Variants in GPC6 observed in about 807,000 individuals in gnomAD.
GPC6 encodes the protein glypican 6.
Under a neutral mutation model 55.2 loss-of-function variants are expected in GPC6, and 14 were observed. The ratio of observed to expected loss-of-function variants is 0.25; its 90% CI spans 0.17 to 0.40. GPC6 has a LOEUF of 0.40. Ranked by LOEUF, GPC6 falls within the 10% of genes least tolerant of loss-of-function variation. The probability of loss-of-function intolerance (pLI) is 1.00; values close to 1 mark genes in which losing one functional copy is unlikely to be tolerated. For synonymous variants in GPC6, 278 were observed against 259.6 expected (o/e 1.07, Z -0.68); for missense variants, 641 against 708.5 (o/e 0.90, Z 1.08).
At chr13:94,148,863 A>G (rs968152033) in intron 4 of GPC6, among the ~76,000 whole-genome samples, 1 of 152,068 alleles carries the variant, frequency 6.6e-6, no homozygotes, top group Admixed American at 6.6e-5. Flanking sequence ...AGTTTCAATG[A>G]CCTCATCTAT....
At chr13:93,608,051 T>C (rs1300942827) in intron 2 of GPC6, among the ~76,000 whole-genome samples, 3 of 151,996 alleles carry the variant, frequency 2.0e-5, no homozygotes, top group Non-Finnish European at 4.4e-5. Flanking sequence ...TTTTTTCTAG[T>C]ATCACTTATG....
At chr13:93,866,698 A>T (rs1054032771) in intron 3 of GPC6, among the ~76,000 whole-genome samples, 5 of 151,692 alleles carry the variant, frequency 3.3e-5, no homozygotes, top group African/African-American at 4.8e-5. Context: ...GAAGGGAACA[A>T]CACACAATGG....
At chr13:93,865,329 A>T (rs1380561472) in intron 3 of GPC6, among the ~76,000 whole-genome samples, 1 of 151,732 alleles carries the variant, frequency 6.6e-6, no homozygotes, top group Non-Finnish European at 1.5e-5. Context: ...TGTCTGGCCT[A>T]CTTCAAGAGC....
At chr13:93,286,288 C>G (rs974904700) in intron 1 of GPC6, among the ~76,000 whole-genome samples, 2 of 152,118 alleles carry the variant, frequency 1.3e-5, no homozygotes, top group Non-Finnish European at 2.9e-5. Flanking sequence ...AAAGCTGCCC[C>G]CACGATTCAG....
intron 1 of GPC6, among the ~76,000 whole-genome samples, chr13:93,503,929 A>C (rs2139374876): frequency 6.6e-6 from 1 of 152,284 alleles, no homozygotes; most frequent in Admixed American, 6.5e-5. Context: ...TTTTTGAGAA[A>C]TAAGATAAAC....
In GPC6 at chr13:93,477,840, T is replaced by G. The variant is rs577122123; in HGVS notation, c.161-67423T>G. On this transcript the variant is annotated intron_variant, in intron 1 of 8. Coordinates refer to ENST00000377047, the MANE Select transcript of GPC6 (RefSeq NM_005708.5). ...AACTATTTGTTTCTTATGTGCAGAG[T>G]GAGTACAGACTTAACAGCAGGTGTT... Among the ~76,000 whole-genome samples the G allele has an allele frequency of 3.9e-5, 6 of 152,280 alleles. 1 individual carries two copies. Among genetic ancestry groups the G allele is most frequent in the African/African-American group, 1.4e-4 (6 of 41,570 alleles).
At chr13:93,476,890 C>G (rs1209178889) in intron 1 of GPC6, among the ~76,000 whole-genome samples, 1 of 151,968 alleles carries the variant, frequency 6.6e-6, no homozygotes, top group Non-Finnish European at 1.5e-5. Flanking sequence ...TTTCTTGAAG[C>G]CTATTCCAAT....
intron 4 of GPC6, among the ~76,000 whole-genome samples, chr13:94,030,418 T>C (rs1043591927): frequency 5.3e-5 from 8 of 152,140 alleles, no homozygotes; most frequent in Non-Finnish European, 8.8e-5. Context: ...TACAGACTTA[T>C]GGAGAAAAAT....
chr13:94,344,857 A>G (rs1878210506), intron 6 of GPC6, among the ~76,000 whole-genome samples: 1 of 152,206 alleles, frequency 6.6e-6, no homozygotes. Context: ...TACTTATTCA[A>G]TATATTCTGG....
chr13:94,035,062 A>G (rs1883287938), intron 4 of GPC6, among the ~76,000 whole-genome samples: 1 of 151,952 alleles, frequency 6.6e-6, no homozygotes, highest in African/African-American at 2.4e-5. Context: ...TATTCAAGGT[A>G]GTTAGAGAAT....
intron 6 of GPC6, among the ~76,000 whole-genome samples, chr13:94,323,282 A>G (rs1192202758): frequency 1.3e-5 from 2 of 152,212 alleles, no homozygotes; most frequent in Non-Finnish European, 2.9e-5. Flanking sequence ...AATCCTGACT[A>G]TGTGATTGTG....
At chr13:93,551,368 A>T (rs146127591) in intron 2 of GPC6, among the ~76,000 whole-genome samples, 1 of 151,512 alleles carries the variant, frequency 6.6e-6, no homozygotes, top group African/African-American at 2.4e-5. Context: ...TCCGTAGTAC[A>T]TCTTTGGGTT....
At chr13:93,587,976 A>G (rs995704429) in intron 2 of GPC6, among the ~76,000 whole-genome samples, 7 of 152,250 alleles carry the variant, frequency 4.6e-5, no homozygotes, top group Admixed American at 2.0e-4. Flanking sequence ...GCTTTCCACA[A>G]GTGAACTTCT....
chr13:94,116,455 G>A (rs1382306584), intron 4 of GPC6, among the ~76,000 whole-genome samples: 3 of 152,032 alleles, frequency 2.0e-5, no homozygotes, highest in Non-Finnish European at 4.4e-5. Context: ...ATTTCATTCT[G>A]AGCCCCTGAA....
intron 2 of GPC6, among the ~76,000 whole-genome samples, chr13:93,738,099 A>G (rs1884063360): frequency 6.6e-6 from 1 of 152,200 alleles, no homozygotes. Flanking sequence ...TAATATTTGC[A>G]AATAGCAACA....
chr13:93,912,464 C>T (rs1877035389), intron 3 of GPC6, among the ~76,000 whole-genome samples: 1 of 152,120 alleles, frequency 6.6e-6, no homozygotes, highest in Admixed American at 6.5e-5. Context: ...ACAAATTCGG[C>T]CGGGTGCAGT....
chr13:93,536,441 G>T (rs914984695), intron 1 of GPC6, among the ~76,000 whole-genome samples: 1 of 152,046 alleles, frequency 6.6e-6, no homozygotes, highest in Non-Finnish European at 1.5e-5. Flanking sequence ...CTTTCTGTCT[G>T]CATGATTTCG....
chr13:93,909,307 T>C (rs1876839420), intron 3 of GPC6, among the ~76,000 whole-genome samples: 1 of 152,178 alleles, frequency 6.6e-6, no homozygotes, highest in Admixed American at 6.5e-5. Flanking sequence ...AGAAAGCCTA[T>C]TATTGAGTGT....
intron 2 of GPC6, among the ~76,000 whole-genome samples, chr13:93,791,961 G>A (rs575558346): frequency 1.6e-4 from 25 of 152,312 alleles, no homozygotes; most frequent in Non-Finnish European, 3.1e-4. Flanking sequence ...CACAGGGAAC[G>A]AAGCAAAATT....
Sources: gnomAD v4.1 joint callset for allele counts (sites outside exome capture counted in the v4.1 genomes callset) on GRCh38, gnomAD v4.1.1 for gene constraint, MANE v1.5 for transcripts, NCBI Gene and HGNC (gene_info 2026-07-23, HGNC 2026-07-21) for gene names.